The following HEBP1 variants were observed in gnomAD, a reference collection of about 807,000 sequenced individuals.
The protein encoded by HEBP1 is heme-binding protein 1.
A neutral mutation model predicts 20.4 loss-of-function variants in HEBP1; 13 were observed. The ratio of observed to expected loss-of-function variants is 0.64; its 90% confidence interval spans 0.42 to 1.01. HEBP1 has a LOEUF of 1.01. Among genes scored for constraint, HEBP1 ranks in the 50% least tolerant of loss-of-function variants. The pLI is 0.00. For missense variants in HEBP1, 241 were observed against 247.3 expected, an observed-to-expected ratio of 0.97 and a Z score of 0.17; for synonymous variants, 92 against 90.7, an observed-to-expected ratio of 1.01 and a Z score of -0.08.
rs146575295 is a variant in HEBP1, at chr12:12,975,362, G to C, written c.516C>G (p.Asp172Glu). ...GCCGTCCGTAGGGCTTCATGGGAGG[G>C]TCATAACCCGTGCAGAAGTAGATGT... is the stretch of plus-strand genomic sequence containing the variant. ...RGDIYFCTGY[D>E]PPMKPYGRRN... Residue 172 changes from aspartate to glutamate, a missense_variant, in exon 4 of 4, where the codon GAC (aspartate) becomes GAG (glutamate). Physicochemically the swap from Asp to Glu is conservative, Grantham distance 45. Transcript: ENST00000014930. 1.7e-4 allele frequency: 279 copies of C among 1,613,978 alleles called. No homozygotes were observed. The highest frequency in any genetic ancestry group is 1.7e-4 in the Non-Finnish European group (196 of 1,179,992).
chr12:12,978,496 C>T (rs1864030336), intron 3 of HEBP1, among the ~76,000 whole-genome samples: 1 of 152,046 alleles, frequency 6.6e-6, no homozygotes, highest in African/African-American at 2.4e-5. Context: ...AGCCACCACG[C>T]CCGGCCTGGA....
In HEBP1 at chr12:12,989,290, G is replaced by A; in HGVS notation, c.204C>T (p.Gly68=). ...AMPKVAKYAG[G]TNDKGIGMGM... ...AGGGGTACTCACCCTTGTCATTGGTGCCCCCCGCATACTTTGCGACCTTGG... is the reference window on the plus strand; with the variant it reads ...AGGGGTACTCACCCTTGTCATTGGTACCCCCCGCATACTTTGCGACCTTGG... Residue 68 remains glycine, a synonymous_variant, in exon 2 of 4, where the codon GGC becomes GGT. Transcript: ENST00000014930. 1.2e-6 allele frequency: 2 copies of A among 1,614,000 alleles called. No individual in the cohort carries two copies. The highest frequency in any genetic ancestry group is 1.1e-5 in the South Asian group (1 of 91,070).
rs1864340416 is a variant in HEBP1, at chr12:13,000,254, C to CA, written c.-141_-140insT. On this transcript the variant is annotated 5_prime_UTR_variant, in exon 1 of 4. Transcript: ENST00000014930. ...GCAGGGTGGCAGGGCGGCAAGGCGGCGGGACGGCGAGGCGGCGAGGCGAGA... is the reference window on the plus strand; with the variant it reads ...GCAGGGTGGCAGGGCGGCAAGGCGGCAGGGACGGCGAGGCGGCGAGGCGAGA... The CA allele has an allele frequency of 8.7e-6, 3 of 344,818 alleles. No homozygotes were observed. The highest frequency in any genetic ancestry group is 2.2e-5 in the African/African-American group (1 of 45,506). The allele number at this position is 344,818 out of a possible 1,614,324, so 21.4% of individuals were successfully genotyped here.
intron 3 of HEBP1, among the ~76,000 whole-genome samples, chr12:12,976,110 A>G (rs1863983881): frequency 6.6e-6 from 1 of 151,482 alleles, no homozygotes; most frequent in Admixed American, 6.6e-5. Context: ...CAAACCAAAA[A>G]CCAAAACTAA....
At chr12:12,993,628 T>C (rs1448315767) in intron 1 of HEBP1, among the ~76,000 whole-genome samples, 1 of 152,110 alleles carries the variant, frequency 6.6e-6, no homozygotes, top group Non-Finnish European at 1.5e-5. Context: ...AGAATAGAGG[T>C]ATCAGAAGTC....
chr12:12,980,019 T>C (rs1208609975), intron 3 of HEBP1: 1 of 152,230 alleles, frequency 6.6e-6, no homozygotes, highest in Non-Finnish European at 1.5e-5. Flanking sequence ...GGTGCAGGCA[T>C]GCAGGGAGGA....
intron 3 of HEBP1, among the ~76,000 whole-genome samples, chr12:12,978,310 A>G (rs1864026311): frequency 7.0e-6 from 1 of 141,896 alleles, no homozygotes; most frequent in African/African-American, 2.7e-5. Flanking sequence ...TCCCAGGTTC[A>G]AGTGATTCTC....
chr12:12,981,031 A>C (rs2136540098), intron 3 of HEBP1, among the ~76,000 whole-genome samples: 1 of 152,360 alleles, frequency 6.6e-6, no homozygotes, highest in South Asian at 2.1e-4. Flanking sequence ...GAAGGGTCAG[A>C]AATGGGAGAG....
At chr12:12,999,646 G>A (rs1411032295) in intron 1 of HEBP1, among the ~76,000 whole-genome samples, 1 of 152,254 alleles carries the variant, frequency 6.6e-6, no homozygotes, top group Non-Finnish European at 1.5e-5. Flanking sequence ...ACTATCCGCA[G>A]TTCTCTAGTA....
Position 12,998,641 on chromosome 12 carries a change from A to G in HEBP1, c.78+1396T>C, listed in dbSNP as rs1864318642. On this transcript the variant is annotated intron_variant, in intron 1 of 3. Transcript: ENST00000014930. The surrounding 1 kb of genome is among the most constrained non-coding windows in gnomAD (Gnocchi z 4.2). The stretch of plus-strand genomic sequence containing the variant: ...CAGGTGAAAGGTCTTTGGTTGTCAA[A>G]GAGTTCAGATTAGAGTCTAATTGAG... Among the ~76,000 whole-genome samples the G allele has an allele frequency of 6.6e-6, 1 of 152,266 alleles. No homozygotes were observed. Among genetic ancestry groups the G allele is most frequent in the Non-Finnish European group, 1.5e-5 (1 of 68,052 alleles).
rs1275857032 is a variant in HEBP1 at position 12,986,401 on chromosome 12, T to A, written c.398+751A>T. The stretch of plus-strand genomic sequence containing the variant: ...ATATTATATGTATGTGAATTTTTCA[T>A]GAGGTTGCTCCTGAGCGGAGCCAAA... On this transcript the variant is annotated intron_variant, in intron 3 of 3. Coordinates refer to ENST00000014930, the MANE Select transcript of HEBP1 (RefSeq NM_015987.5). The surrounding 1 kb of genome is among the most constrained non-coding windows in gnomAD (Gnocchi z 4.3). 1 of 152,244 alleles carries A rather than the reference T, an allele frequency of 6.6e-6. No homozygotes were observed. Among genetic ancestry groups the A allele is most frequent in the Non-Finnish European group, 1.5e-5 (1 of 68,054 alleles). The allele number at this position is 152,244 out of a possible 1,614,324, so 9.4% of individuals were successfully genotyped here. A position where few individuals can be genotyped will look rare whatever the true frequency, so the allele number is the denominator to read the frequency against.
Position 12,998,457 on chromosome 12 carries a change from C to G in HEBP1, c.78+1580G>C, listed in dbSNP as rs117931035. Reference sequence around the variant, plus strand: ...TTAGAGATGGGGACCTGAGTTCACTCTCTGATTTGCCTCAGTCCCCACTAT... The same window carrying G: ...TTAGAGATGGGGACCTGAGTTCACTGTCTGATTTGCCTCAGTCCCCACTAT... On this transcript the variant is annotated intron_variant, in intron 1 of 3. Coordinates refer to ENST00000014930, the MANE Select transcript of HEBP1 (RefSeq NM_015987.5). This position sits in a 1 kb window ranked among gnomAD's most constrained non-coding sequence, Gnocchi z 4.2. Among the ~76,000 whole-genome samples, 549 of 152,302 alleles carry G rather than the reference C, an allele frequency of 3.6e-3. 2 individuals carry two copies. The highest frequency in any genetic ancestry group is 7.1e-3 in the Admixed American group (108 of 15,302).
rs774793597 is a variant in HEBP1, at chr12:12,998,049, T to C, written c.78+1988A>G. 1.3e-5 allele frequency among the ~76,000 whole-genome samples: 2 copies of C among 152,130 alleles called. No homozygotes were observed. Among genetic ancestry groups the C allele is most frequent in the Non-Finnish European group, 2.9e-5 (2 of 68,038 alleles). On this transcript the variant is annotated intron_variant, in intron 1 of 3. Transcript: ENST00000014930. This position sits in a 1 kb window ranked among gnomAD's most constrained non-coding sequence, Gnocchi z 4.2. ...GGACTGATATTAATAACTGGCATCC[T>C]TATTGCATTTGTGTCCAGCCTATGC...
chr12:12,976,833 G>T (rs4763913), intron 3 of HEBP1, among the ~76,000 whole-genome samples: 4,215 of 152,306 alleles, frequency 0.028, 72 homozygotes, highest in Admixed American at 0.043. Context: ...AGAGGAAACT[G>T]GGTTAGTAGA....
At position 12,978,205 on chromosome 12, in the gene HEBP1, T is replaced by TG. The variant is rs1463872886; in HGVS notation, c.399-2727_399-2726insC. 4.3e-3 allele frequency among the ~76,000 whole-genome samples: 568 copies of TG among 133,060 alleles called. 3 individuals carry two copies. The highest frequency in any genetic ancestry group is 0.015 in the African/African-American group (532 of 34,392). 87.3% of individuals were successfully genotyped at this position (133,060 alleles called of 152,430 possible). Reference sequence around the variant, plus strand: ...CAGGTAGACCTACGAAAGGGTTTTTTTTTTTTTTTTTTTTTTTTTTTTTGA... The same window carrying TG: ...CAGGTAGACCTACGAAAGGGTTTTTTGTTTTTTTTTTTTTTTTTTTTTTTGA... On this transcript the variant is annotated intron_variant, in intron 3 of 3. Coordinates refer to ENST00000014930, the MANE Select transcript of HEBP1 (RefSeq NM_015987.5).
intron 3 of HEBP1, chr12:12,983,535 T>C (rs143778617): frequency 6.1e-4 from 220 of 359,622 alleles, no homozygotes; most frequent in Non-Finnish European, 1.0e-3. Context: ...TTTGAAGTAG[T>C]ACATTTGCCT....
intron 3 of HEBP1, among the ~76,000 whole-genome samples, chr12:12,982,399 C>A (rs1446403694): frequency 6.6e-6 from 1 of 152,190 alleles, no homozygotes; most frequent in Non-Finnish European, 1.5e-5. Flanking sequence ...TCCCAACTTC[C>A]TGTGGTTACA....
intron 3 of HEBP1, chr12:12,979,877 C>G (rs1017865785): frequency 6.6e-6 from 1 of 152,172 alleles, no homozygotes; most frequent in African/African-American, 2.4e-5. Context: ...ACAACAGGAG[C>G]TGACTCAAAA....
intron 1 of HEBP1, among the ~76,000 whole-genome samples, chr12:12,990,708 C>A (rs1002507956): frequency 6.6e-6 from 1 of 152,182 alleles, no homozygotes; most frequent in African/African-American, 2.4e-5. Context: ...GCAGGACTAA[C>A]AAATTAGCTA....
Sources: allele counts gnomAD v4.1 joint callset (sites outside exome capture counted in the v4.1 genomes callset), GRCh38; gene constraint gnomAD v4.1.1; non-coding constraint Gnocchi (gnomAD v3.1); transcripts MANE v1.5; gene names NCBI Gene and HGNC (gene_info 2026-07-23, HGNC 2026-07-21).